The following EPHB2 variants were observed in gnomAD, a reference collection of about 807,000 sequenced individuals.
EPHB2 encodes the protein EPH receptor B2, also known as ephrin type-B receptor 2.
A neutral mutation model predicts 96.4 loss-of-function variants in EPHB2; 18 were observed. That is an observed-to-expected ratio of 0.19 (90% CI 0.13 to 0.28). The LOEUF (loss-of-function observed/expected upper bound fraction) is 0.28. EPHB2 is among the 10% of genes least tolerant of loss of function. EPHB2 has a pLI of 1.00. For synonymous variants in EPHB2, 506 were observed against 534.1 expected (o/e 0.95, Z 0.72); for missense variants, 989 against 1,355.4 (o/e 0.73, Z 4.25).
intron 13 of EPHB2, among the ~76,000 whole-genome samples, chr1:22,909,930 G>T (rs928499928): frequency 1.3e-5 from 2 of 152,096 alleles, no homozygotes; most frequent in Admixed American, 1.3e-4. Flanking sequence ...AGGCCATGGT[G>T]TGGGCCTGAT....
At chr1:22,775,580 AACGACTTC>A (rs1644439625) in intron 1 of EPHB2, among the ~76,000 whole-genome samples, 1 of 152,268 alleles carries the variant, frequency 6.6e-6, no homozygotes, top group Non-Finnish European at 1.5e-5. Flanking sequence ...GCCCAACGCT[AACGACTTC>A]AGTGTGTCTC....
At chr1:22,841,962 G>A (rs1645475549) in intron 3 of EPHB2, among the ~76,000 whole-genome samples, 1 of 152,206 alleles carries the variant, frequency 6.6e-6, no homozygotes, top group Admixed American at 6.5e-5. Flanking sequence ...TGGAGACAGA[G>A]GGCCGATGCC....
intron 3 of EPHB2, among the ~76,000 whole-genome samples, chr1:22,791,191 T>C (rs1212332706): frequency 3.1e-4 from 47 of 152,176 alleles, no homozygotes; most frequent in Non-Finnish European, 1.5e-5. Flanking sequence ...TTTTTTTTTT[T>C]CCTGGTGAGC....
chr1:22,724,238 G>A (rs1402171608), intron 1 of EPHB2, among the ~76,000 whole-genome samples: 1 of 151,596 alleles, frequency 6.6e-6, no homozygotes, highest in Non-Finnish European at 1.5e-5. Context: ...CCCCTTGCAT[G>A]TGTGTGTGTG....
intron 3 of EPHB2, among the ~76,000 whole-genome samples, chr1:22,825,202 C>T (rs970321712): frequency 6.6e-6 from 1 of 152,170 alleles, no homozygotes. Context: ...GGTTATCAGC[C>T]CCATTCGTTA....
chr1:22,740,576 G>A (rs1643889380), intron 1 of EPHB2, among the ~76,000 whole-genome samples: 1 of 152,194 alleles, frequency 6.6e-6, no homozygotes, highest in South Asian at 2.1e-4. Flanking sequence ...GCATTTCTGA[G>A]TGCCATCTGG....
Position 22,865,133 on chromosome 1 carries a change from C to T in EPHB2, c.1224C>T (p.Ile408=). 1 of 1,614,236 alleles carries T rather than the reference C, an allele frequency of 6.2e-7. No homozygotes were observed. Among genetic ancestry groups the T allele is most frequent in the South Asian group, 1.1e-5 (1 of 91,090 alleles). Residue 408 remains isoleucine, a synonymous_variant, in exon 5 of 16, where the codon ATC becomes ATT. Coordinates refer to ENST00000374630, the MANE Select transcript of EPHB2 (RefSeq NM_017449.5). ...CCCACACCCAGTACACCTTCGAGATCCAGGCTGTGAACGGCGTTACTGACC... is the reference window on the plus strand; with the variant it reads ...CCCACACCCAGTACACCTTCGAGATTCAGGCTGTGAACGGCGTTACTGACC... ...LLAHTQYTFE[I]QAVNGVTDQS... is the part of the protein sequence containing the mutation.
At chr1:22,905,235 AAT>A (rs769877139) in intron 9 of EPHB2, among the ~76,000 whole-genome samples, 34 of 152,186 alleles carry the variant, frequency 2.2e-4, no homozygotes, top group Non-Finnish European at 4.0e-4. Flanking sequence ...GAGAACAAAA[AAT>A]AATAATAATA....
chr1:22,755,834 C>T (rs1644141456), intron 1 of EPHB2, among the ~76,000 whole-genome samples: 1 of 152,030 alleles, frequency 6.6e-6, no homozygotes, highest in Non-Finnish European at 1.5e-5. Flanking sequence ...TATTATTAGT[C>T]ACAGGGAAGA....
At chr1:22,827,126 C>A (rs1645235636) in intron 3 of EPHB2, among the ~76,000 whole-genome samples, 1 of 152,226 alleles carries the variant, frequency 6.6e-6, no homozygotes, top group Non-Finnish European at 1.5e-5. Context: ...CCTCACCTTT[C>A]TCGATTCCCC....
At chr1:22,844,595 G>A (rs746591016) in intron 3 of EPHB2, among the ~76,000 whole-genome samples, 1 of 152,230 alleles carries the variant, frequency 6.6e-6, no homozygotes, top group African/African-American at 2.4e-5. Flanking sequence ...CCATTTTGCA[G>A]GTGGAAAAAC....
At chr1:22,744,785 C>T (rs1643948632) in intron 1 of EPHB2, among the ~76,000 whole-genome samples, 1 of 149,638 alleles carries the variant, frequency 6.7e-6, no homozygotes. Flanking sequence ...GAGGCCAGTT[C>T]AAGGCTGCAG....
chr1:22,759,455 C>G (rs1279730704), intron 1 of EPHB2, among the ~76,000 whole-genome samples: 3 of 152,272 alleles, frequency 2.0e-5, no homozygotes, highest in African/African-American at 7.2e-5. Flanking sequence ...CATTATCTGT[C>G]TTGCCCCAAG....
rs1382587370 is a variant in EPHB2 at position 22,860,948 on chromosome 1, CAG to C, written c.812-2088_812-2087del. Among the ~76,000 whole-genome samples the C allele has an allele frequency of 1.3e-5, 2 of 152,114 alleles. No individual in the cohort carries two copies. The highest frequency in any genetic ancestry group is 2.9e-5 in the Non-Finnish European group (2 of 68,022). On this transcript the variant is annotated intron_variant, in intron 3 of 15. Transcript: ENST00000374630. The surrounding 1 kb of genome is among the most constrained non-coding windows in gnomAD (Gnocchi z 4.6). ...AGGCGAGAGGGAGGGCAGGACGACT[CAG>C]GGGACCCAGACCCAGTGCAGTAATC...
At chr1:22,857,827 A>C (rs1359458731) in intron 3 of EPHB2, among the ~76,000 whole-genome samples, 1 of 152,172 alleles carries the variant, frequency 6.6e-6, no homozygotes, top group East Asian at 1.9e-4. Context: ...ACCTGTACAC[A>C]TCAAGTGCCT....
chr1:22,837,953 G>A lies in EPHB2; in HGVS notation c.812-25084G>A, dbSNP rs375026384. On this transcript the variant is annotated intron_variant, in intron 3 of 15. Transcript: ENST00000374630. ...CCCCCAAAGAGGTGACCCAAGGTGG[G>A]GCTTGGCCTCAAGGAATAGGGGAGC... 9.2e-5 allele frequency among the ~76,000 whole-genome samples: 14 copies of A among 152,046 alleles called. No individual in the cohort carries two copies. In the East Asian group the frequency reaches 1.7e-3, roughly 19 times the overall value.
intron 3 of EPHB2, among the ~76,000 whole-genome samples, chr1:22,813,277 G>T (rs1278512095): frequency 6.6e-6 from 1 of 152,156 alleles, no homozygotes; most frequent in African/African-American, 2.4e-5. Flanking sequence ...TCACACTCTG[G>T]GTATTTTGTC....
intron 3 of EPHB2, among the ~76,000 whole-genome samples, chr1:22,792,928 G>C (rs1644715470): frequency 6.6e-6 from 1 of 152,174 alleles, no homozygotes; most frequent in Non-Finnish European, 1.5e-5. Flanking sequence ...GCGTCAGCCA[G>C]GAACAGGCGG....
At chr1:22,777,106 C>G (rs1644463600) in intron 1 of EPHB2, among the ~76,000 whole-genome samples, 1 of 152,176 alleles carries the variant, frequency 6.6e-6, no homozygotes, top group African/African-American at 2.4e-5. Flanking sequence ...GTCGAGACTT[C>G]ACAGATGAAC....
Sources: gnomAD v4.1 joint callset for allele counts (sites outside exome capture counted in the v4.1 genomes callset) on GRCh38, gnomAD v4.1.1 for gene constraint, Gnocchi (gnomAD v3.1) non-coding constraint, MANE v1.5 for transcripts, NCBI Gene and HGNC (gene_info 2026-07-23, HGNC 2026-07-21) for gene names.